CELF4: variants seen among roughly 807,000 people sequenced by gnomAD.
CELF4 encodes CUG-BP- and ETR-3-like factor 4.
CELF4 carries 18 observed loss-of-function variants against 59.9 expected under a neutral mutation model. The observed-to-expected ratio is 0.30, with a 90% CI of 0.21 to 0.45. CELF4 has a LOEUF of 0.45. Among genes scored for constraint, CELF4 ranks in the 20% least tolerant of loss-of-function variants. CELF4 has a pLI of 1.00. For synonymous variants in CELF4, 261 were observed against 267.1 expected, an observed-to-expected ratio of 0.98 and a Z score of 0.22; for missense variants, 456 against 689.0, an observed-to-expected ratio of 0.66 and a Z score of 3.79.
intron 2 of CELF4, among the ~76,000 whole-genome samples, chr18:37,414,238 CT>C (rs2099505213): frequency 7.1e-6 from 1 of 141,248 alleles, no homozygotes; most frequent in East Asian, 2.0e-4. Context: ...ATCTATCTAT[CT>C]ATCTATCCAT....
rs143573749 is a variant in CELF4, at chr18:37,343,518, G to A, written c.370-21637C>T. On this transcript the variant is annotated intron_variant, in intron 2 of 12. Coordinates refer to ENST00000420428, the MANE Select transcript of CELF4 (RefSeq NM_020180.4). ...AGTCTAAGGGTTGCCGGCCAGGCTC[G>A]GCTTTGTGTTCAGCCTCCCCACCTC... 3.9e-5 allele frequency among the ~76,000 whole-genome samples: 6 copies of A among 152,108 alleles called. No individual in the cohort carries two copies. The South Asian group carries it at 1.2e-3, about 32-fold the overall frequency.
At chr18:37,311,390 C>T (rs1343927009) in intron 3 of CELF4, among the ~76,000 whole-genome samples, 1 of 152,210 alleles carries the variant, frequency 6.6e-6, no homozygotes, top group Non-Finnish European at 1.5e-5. Context: ...CTTCACGCAG[C>T]TGCTGTTTGG....
chr18:37,272,510 C>G (rs532665091), intron 7 of CELF4, among the ~76,000 whole-genome samples: 3 of 143,086 alleles, frequency 2.1e-5, no homozygotes, highest in Non-Finnish European at 4.5e-5. Flanking sequence ...GTGGTTCTCT[C>G]TAGCTTGTTG....
chr18:37,466,084 G>A (rs1036728200), intron 2 of CELF4, among the ~76,000 whole-genome samples: 2 of 152,226 alleles, frequency 1.3e-5, no homozygotes, highest in Non-Finnish European at 2.9e-5. Flanking sequence ...CAGCTGGGAT[G>A]AGGCTCCACA....
chr18:37,259,466 C>A (rs1488399309), intron 10 of CELF4, among the ~76,000 whole-genome samples: 2 of 152,228 alleles, frequency 1.3e-5, no homozygotes. Flanking sequence ...GGTCTCTGCT[C>A]TGCCCTTGGG....
intron 2 of CELF4, among the ~76,000 whole-genome samples, chr18:37,412,833 C>T (rs1407581082): frequency 6.6e-6 from 1 of 151,374 alleles, no homozygotes; most frequent in African/African-American, 2.4e-5. Flanking sequence ...CAGGTGTTGA[C>T]TGGACTGAGC....
chr18:37,306,741 C>A (rs1020221010), intron 3 of CELF4, among the ~76,000 whole-genome samples: 1 of 152,042 alleles, frequency 6.6e-6, no homozygotes, highest in African/African-American at 2.4e-5. Context: ...AGGAAATGTC[C>A]CAGTTGGAGG....
chr18:37,485,384 G>T (rs1007459593), intron 2 of CELF4, 141 bp downstream of exon 2: 2 of 208,030 alleles, frequency 9.6e-6, no homozygotes, highest in African/African-American at 2.7e-5. Flanking sequence ...AGGGATTTGG[G>T]GGGGCGCGCG....
At chr18:37,497,662 A>AG (rs977157468) in intron 1 of CELF4, among the ~76,000 whole-genome samples, 1 of 151,860 alleles carries the variant, frequency 6.6e-6, no homozygotes, top group Non-Finnish European at 1.5e-5. Flanking sequence ...AAAAAAAAAA[A>AG]AAAAGAAAAA....
chr18:37,407,115 T>C (rs2099394510), intron 2 of CELF4, among the ~76,000 whole-genome samples: 1 of 152,196 alleles, frequency 6.6e-6, no homozygotes. Flanking sequence ...CCAGTTTCCT[T>C]ACATCTTTGT....
chr18:37,522,896 A>G (rs1188756899), intron 1 of CELF4, among the ~76,000 whole-genome samples: 3 of 152,092 alleles, frequency 2.0e-5, no homozygotes, highest in African/African-American at 7.2e-5. Context: ...TCTCCCATGA[A>G]ACCATCCCTC....
chr18:37,412,890 C>T (rs932738201), intron 2 of CELF4, among the ~76,000 whole-genome samples: 4 of 151,908 alleles, frequency 2.6e-5, no homozygotes, highest in Non-Finnish European at 4.4e-5. Context: ...CAGTTGTTCT[C>T]GGTGTGAGGT....
At chr18:37,524,257 G>A (rs1310171230) in intron 1 of CELF4, among the ~76,000 whole-genome samples, 2 of 152,242 alleles carry the variant, frequency 1.3e-5, no homozygotes, top group East Asian at 1.9e-4. Context: ...CAGTCAGGCT[G>A]TAAAGAGGCC....
rs762356295 is a variant in CELF4 at position 37,565,687 on chromosome 18, C to A, written c.-46G>T. 2.0e-6 allele frequency: 3 copies of A among 1,472,142 alleles called. No individual in the cohort carries two copies. The East Asian group carries it at 7.2e-5, about 35-fold the overall frequency. The allele number at this position is 1,472,142 out of a possible 1,614,324, so 91.2% of individuals were successfully genotyped here. A position where few individuals can be genotyped will look rare whatever the true frequency, so the allele number is the denominator to read the frequency against. ...TTATTCTTTCTCGCTCACACTCTCT[C>A]GCTCCTCTCTCTCGCTCGCTCGCGC... is the stretch of plus-strand genomic sequence containing the variant. On this transcript the variant is annotated 5_prime_UTR_variant, in exon 1 of 13. Coordinates refer to ENST00000420428, the MANE Select transcript of CELF4 (RefSeq NM_020180.4).
intron 2 of CELF4, among the ~76,000 whole-genome samples, chr18:37,332,819 C>T (rs561318153): frequency 4.2e-4 from 64 of 152,334 alleles, no homozygotes; most frequent in African/African-American, 1.3e-3. Flanking sequence ...GCTGGGCTGA[C>T]GTGCCCCCAC....
chr18:37,306,498 C>T (rs980581277), intron 3 of CELF4, among the ~76,000 whole-genome samples: 10 of 152,234 alleles, frequency 6.6e-5, no homozygotes, highest in African/African-American at 2.2e-4. Context: ...ATTCAGAGTG[C>T]TTTGACTCCC....
chr18:37,387,679 G>GC (rs1397184004), intron 2 of CELF4, among the ~76,000 whole-genome samples: 13 of 152,232 alleles, frequency 8.5e-5, no homozygotes, highest in African/African-American at 3.1e-4. Flanking sequence ...GAAGCTGCAG[G>GC]TTTTTCCTTG....
intron 2 of CELF4, among the ~76,000 whole-genome samples, chr18:37,419,963 G>A (rs765796088): frequency 7.9e-5 from 12 of 152,210 alleles, no homozygotes; most frequent in Non-Finnish European, 1.6e-4. Context: ...CGGCCACTCC[G>A]GGGTTCTGGC....
intron 1 of CELF4, among the ~76,000 whole-genome samples, chr18:37,494,338 G>A (rs980095956): frequency 1.3e-5 from 2 of 152,218 alleles, no homozygotes; most frequent in African/African-American, 4.8e-5. Context: ...CAGGGCTGAT[G>A]GGCCCATGAG....
Sources: allele counts gnomAD v4.1 joint callset (sites outside exome capture counted in the v4.1 genomes callset), GRCh38; gene constraint gnomAD v4.1.1; transcripts MANE v1.5; gene names NCBI Gene and HGNC (gene_info 2026-07-23, HGNC 2026-07-21).